Variants in ACOT1 observed in about 807,000 individuals in gnomAD.
ACOT1 encodes acyl-coenzyme A thioesterase 1.
ACOT1 carries 8 observed loss-of-function variants against 15.7 expected under a neutral mutation model. That is an observed-to-expected ratio of 0.51 (90% CI 0.30 to 0.92). ACOT1 has a LOEUF of 0.92. Among genes scored for constraint, ACOT1 ranks in the 40% least tolerant of loss-of-function variants. The pLI is 0.06. For missense variants in ACOT1, 151 were observed against 539.4 expected (o/e 0.28, Z 7.13); for synonymous variants, 67 against 241.2 (o/e 0.28, Z 6.69).
the ACOT1 span, chr14:73,529,336 C>A: frequency 8.5e-6 from 1 of 118,016 alleles, no homozygotes; most frequent in Non-Finnish European, 1.6e-5. Flanking sequence ...GCCTGGGCAA[C>A]AGAGTGAGAC....
the ACOT1 span, chr14:73,508,382 C>G: frequency 9.1e-7 from 1 of 1,102,834 alleles, no homozygotes; most frequent in Non-Finnish European, 1.4e-6. Context: ...AAGGCTGCTA[C>G]CCCACCTGAT....
chr14:73,491,578 C>T, the ACOT1 span: 2 of 1,543,396 alleles, frequency 1.3e-6, no homozygotes, highest in Non-Finnish European at 1.7e-6. Context: ...CGCTGCGGCG[C>T]GTCTTGGCCG....
At chr14:73,542,479 A>T (rs1889121502) in intron 2 of ACOT1, among the ~76,000 whole-genome samples, 1 of 93,120 alleles carries the variant, frequency 1.1e-5, no homozygotes, top group South Asian at 3.4e-4. Flanking sequence ...ATCTCGGCTT[A>T]CTGCAACCTC....
the ACOT1 span, chr14:73,522,986 C>T: frequency 3.0e-5 from 48 of 1,613,918 alleles, no homozygotes; most frequent in South Asian, 1.8e-4. Flanking sequence ...GCGGTGTAGA[C>T]GGTACTGTGA....
the ACOT1 span, chr14:73,522,273 T>G: frequency 6.2e-7 from 1 of 1,613,512 alleles, no homozygotes; most frequent in Admixed American, 1.7e-5. Flanking sequence ...CCAGTATACC[T>G]GTAGTAAACG....
chr14:73,498,507 C>G, the ACOT1 span, among the ~76,000 whole-genome samples: 2 of 152,126 alleles, frequency 1.3e-5, no homozygotes, highest in Non-Finnish European at 2.9e-5. Context: ...CAAAGGATTC[C>G]TAGAAGAGGG....
At chr14:73,516,147 CAAAAA>C in the ACOT1 span, among the ~76,000 whole-genome samples, 1 of 9,158 alleles carries the variant, frequency 1.1e-4, no homozygotes, top group Non-Finnish European at 1.5e-4. Flanking sequence ...CAACAGTCAT[CAAAAA>C]AAAAAAAAAA....
chr14:73,505,540 G>A, the ACOT1 span, among the ~76,000 whole-genome samples: 1 of 152,134 alleles, frequency 6.6e-6, no homozygotes, highest in African/African-American at 2.4e-5. Context: ...AGGATTACAG[G>A]TGCCAGCCAC....
chr14:73,492,131 A>G, the ACOT1 span: 2 of 1,613,850 alleles, frequency 1.2e-6, no homozygotes, highest in Non-Finnish European at 1.7e-6. The surrounding 1 kb of genome is among the most constrained non-coding windows in gnomAD (Gnocchi z 4.9). Flanking sequence ...ACTGGCTCTG[A>G]CATCCAGCCC....
the ACOT1 span, among the ~76,000 whole-genome samples, chr14:73,502,465 CTG>C: frequency 1.8e-4 from 28 of 152,066 alleles, no homozygotes; most frequent in Non-Finnish European, 3.7e-4. Flanking sequence ...TTTGTAGGGA[CTG>C]TTAATTTTTT....
the ACOT1 span, chr14:73,492,878 T>C: frequency 1.2e-6 from 2 of 1,613,872 alleles, no homozygotes; most frequent in Non-Finnish European, 1.7e-6. This position sits in a 1 kb window ranked among gnomAD's most constrained non-coding sequence, Gnocchi z 4.9. Flanking sequence ...GGACCAGCTG[T>C]CCTTGGCAAC....
chr14:73,505,380 G>C, the ACOT1 span, among the ~76,000 whole-genome samples: 4 of 151,554 alleles, frequency 2.6e-5, no homozygotes, highest in Admixed American at 2.6e-4. Flanking sequence ...TGGGACAATG[G>C]TTTTTTTGTT....
At chr14:73,521,130 T>G in the ACOT1 span, 1 of 1,141,850 alleles carries the variant, frequency 8.8e-7, no homozygotes, top group East Asian at 2.4e-5. Context: ...CCCTTTCCTC[T>G]TTAAGCTCAG....
chr14:73,506,574 G>T, the ACOT1 span: 1 of 1,606,932 alleles, frequency 6.2e-7, no homozygotes. Context: ...ATCAGGGTCT[G>T]AGGAAATGGA....
chr14:73,516,027 CTGA>C, the ACOT1 span, among the ~76,000 whole-genome samples: 1 of 58,814 alleles, frequency 1.7e-5, no homozygotes, highest in Non-Finnish European at 2.7e-5. Flanking sequence ...TCTTAGATCT[CTGA>C]TATTTAACCT....
chr14:73,511,024 C>T, the ACOT1 span, among the ~76,000 whole-genome samples: 1 of 152,070 alleles, frequency 6.6e-6, no homozygotes, highest in Non-Finnish European at 1.5e-5. Context: ...ACCAATGTTG[C>T]CTATAAAGAT....
At chr14:73,515,585 C>T in the ACOT1 span, among the ~76,000 whole-genome samples, 1 of 140,322 alleles carries the variant, frequency 7.1e-6, no homozygotes, top group Admixed American at 8.2e-5. Context: ...GATGCTGAAG[C>T]AGAAGAATCA....
chr14:73,521,662 A>G, the ACOT1 span, among the ~76,000 whole-genome samples: 1 of 152,232 alleles, frequency 6.6e-6, no homozygotes, highest in Non-Finnish European at 1.5e-5. Context: ...ATGAGATAGA[A>G]GCAATCTAAG....
chr14:73,492,978 A>G, the ACOT1 span: 1 of 1,557,478 alleles, frequency 6.4e-7, no homozygotes, highest in Non-Finnish European at 8.8e-7. This position sits in a 1 kb window ranked among gnomAD's most constrained non-coding sequence, Gnocchi z 4.9. Context: ...GGCAGTAGTG[A>G]TTCTCCGCTG....
Sources: allele counts gnomAD v4.1 joint callset (sites outside exome capture counted in the v4.1 genomes callset), GRCh38; gene constraint gnomAD v4.1.1; non-coding constraint Gnocchi (gnomAD v3.1); transcripts MANE v1.5; gene names NCBI Gene and HGNC (gene_info 2026-07-23, HGNC 2026-07-21).